Variants in ATAD2B observed in about 807,000 individuals in gnomAD.
ATAD2B encodes the protein ATPase family AAA domain-containing protein 2B.
A neutral mutation model predicts 167.6 loss-of-function variants in ATAD2B; 40 were observed. That is an observed-to-expected ratio of 0.24 (90% CI 0.19 to 0.31). The LOEUF is 0.31. ATAD2B is among the 10% of genes least tolerant of loss of function. The pLI, the probability that ATAD2B is intolerant of heterozygous loss-of-function variation, is 1.00. For missense variants in ATAD2B, 1,242 were observed against 1,757.2 expected, an observed-to-expected ratio of 0.71 and a Z score of 5.24; for synonymous variants, 579 against 596.5, an observed-to-expected ratio of 0.97 and a Z score of 0.43.
At chr2:23,885,884 AAGAG>A in intron 4 of ATAD2B, 55 bp from the exon 5 acceptor site, 1 of 1,023,800 alleles carries the variant, frequency 9.8e-7, no homozygotes, top group Non-Finnish European at 1.4e-6. Flanking sequence ...ATATACATAA[AAGAG>A]CTCTTTGTGA....
chr2:23,775,512 G>A (rs910383168), intron 22 of ATAD2B, among the ~76,000 whole-genome samples: 4 of 151,956 alleles, frequency 2.6e-5, no homozygotes, highest in African/African-American at 4.8e-5. Flanking sequence ...GTGCCCAGCC[G>A]GGTAGGTGAA....
chr2:23,875,717 G>A, intron 8 of ATAD2B, 112 bp downstream of exon 8: 2 of 738,118 alleles, frequency 2.7e-6, no homozygotes, highest in Non-Finnish European at 4.6e-6. Context: ...GAATCTGGAA[G>A]ATAATAGTAG....
chr2:23,728,711 T>C, the ATAD2B span, among the ~76,000 whole-genome samples: 1 of 152,190 alleles, frequency 6.6e-6, no homozygotes, highest in Admixed American at 6.5e-5. Flanking sequence ...GGGTGTTTTT[T>C]GTTTGTTTTG....
chr2:23,789,644 C>G (rs1185381516), intron 19 of ATAD2B, among the ~76,000 whole-genome samples: 3 of 152,130 alleles, frequency 2.0e-5, no homozygotes, highest in African/African-American at 7.2e-5. Flanking sequence ...ACATCATATT[C>G]CTGCCCAAAT....
chr2:23,881,238 CCA>C (rs1697841972), intron 6 of ATAD2B, among the ~76,000 whole-genome samples: 2 of 152,186 alleles, frequency 1.3e-5, no homozygotes, highest in East Asian at 3.9e-4. Flanking sequence ...GGCCTGTTGA[CCA>C]CAGTTAAGCA....
At chr2:23,842,002 T>A (rs1462111394) in intron 13 of ATAD2B, among the ~76,000 whole-genome samples, 2 of 152,206 alleles carry the variant, frequency 1.3e-5, no homozygotes, top group Non-Finnish European at 2.9e-5. Context: ...CCTTTTTGTA[T>A]CCTTACATGT....
At chr2:23,708,954 G>A in the ATAD2B span, among the ~76,000 whole-genome samples, 1 of 152,338 alleles carries the variant, frequency 6.6e-6, no homozygotes, top group Non-Finnish European at 1.5e-5. Flanking sequence ...GAGCCACATG[G>A]CAAGTCCAGC....
At chr2:23,837,710 TGTTTTTAATAGATAGCAATCTAGGGG>T (rs1690231482) in intron 13 of ATAD2B, among the ~76,000 whole-genome samples, 1 of 152,262 alleles carries the variant, frequency 6.6e-6, no homozygotes, top group Non-Finnish European at 1.5e-5. Context: ...TACAGTAGTT[TGTTTTTAATAGATAGCAATCTAGGGG>T]GTTTTTAAAT....
intron 17 of ATAD2B, among the ~76,000 whole-genome samples, chr2:23,818,689 A>G (rs1278834964): frequency 6.6e-6 from 1 of 152,230 alleles, no homozygotes; most frequent in Non-Finnish European, 1.5e-5. Context: ...AAAAGTACAC[A>G]CAATCCGGCC....
At chr2:23,767,238 T>A (rs1677572437) in intron 22 of ATAD2B, among the ~76,000 whole-genome samples, 3 of 152,146 alleles carry the variant, frequency 2.0e-5, no homozygotes. Context: ...TAACCATTTT[T>A]CCCGCCAAAA....
chr2:23,916,698 T>C (rs1703086081), intron 1 of ATAD2B, among the ~76,000 whole-genome samples: 1 of 152,180 alleles, frequency 6.6e-6, no homozygotes, highest in Non-Finnish European at 1.5e-5. Context: ...GTTAAAGACC[T>C]TAAAGGCCCA....
In ATAD2B at chr2:23,915,586, C is replaced by CTTTTTTTTT. The variant is rs869032768; in HGVS notation, c.216+10960_216+10968dup. Among the ~76,000 whole-genome samples, 15 of 65,248 alleles carry CTTTTTTTTT rather than the reference C, an allele frequency of 2.3e-4. 1 individual carries two copies. Among genetic ancestry groups the CTTTTTTTTT allele is most frequent in the South Asian group, 7.1e-4 (1 of 1,412 alleles). The allele number at this position is 65,248 out of a possible 152,430, so 42.8% of individuals were successfully genotyped here. A position where few individuals can be genotyped will look rare whatever the true frequency, so the allele number is the denominator to read the frequency against. On this transcript the variant is annotated intron_variant, in intron 1 of 27. Coordinates refer to ENST00000238789, the MANE Select transcript of ATAD2B (RefSeq NM_017552.4). ...AAACAACCATGTCTGACTACCGATT[C>CTTTTTTTTT]TTTTTTTTTTTTTTTTTTTTTTTTT... is the stretch of plus-strand genomic sequence containing the variant.
At chr2:23,776,787 T>C (rs778103399) in intron 22 of ATAD2B, among the ~76,000 whole-genome samples, 2 of 152,212 alleles carry the variant, frequency 1.3e-5, no homozygotes, top group Non-Finnish European at 2.9e-5. Flanking sequence ...GGTATCCCTT[T>C]ATCTTAATAA....
At chr2:23,903,009 C>A in intron 1 of ATAD2B, among the ~76,000 whole-genome samples, 1 of 152,032 alleles carries the variant, frequency 6.6e-6, no homozygotes, top group Non-Finnish European at 1.5e-5. Context: ...TTGAGGTGGG[C>A]AGATTGTTTG....
the ATAD2B span, among the ~76,000 whole-genome samples, chr2:23,686,903 A>G: frequency 8.6e-4 from 131 of 152,314 alleles, no homozygotes; most frequent in Non-Finnish European, 1.6e-3. Flanking sequence ...TTGCAGCCAC[A>G]GAGCACACAT....
At chr2:23,823,632 T>C in intron 15 of ATAD2B, 63 bp from the exon 16 acceptor site, 1 of 1,417,660 alleles carries the variant, frequency 7.1e-7, no homozygotes, top group Non-Finnish European at 9.7e-7. Flanking sequence ...CAACTATGTT[T>C]TGTAAATATA....
intron 8 of ATAD2B, among the ~76,000 whole-genome samples, chr2:23,875,035 G>C (rs1696614466): frequency 7.9e-6 from 1 of 127,060 alleles, no homozygotes; most frequent in African/African-American, 3.1e-5. Flanking sequence ...CAGCCTGGGT[G>C]ACAGAGCGAG....
intron 19 of ATAD2B, among the ~76,000 whole-genome samples, chr2:23,791,253 A>G (rs923855837): frequency 1.2e-4 from 19 of 152,214 alleles, no homozygotes; most frequent in African/African-American, 4.6e-4. Flanking sequence ...TTCCCATACA[A>G]ATGTCTTTCT....
chr2:23,726,661 T>C, the ATAD2B span, among the ~76,000 whole-genome samples: 1 of 152,106 alleles, frequency 6.6e-6, no homozygotes, highest in African/African-American at 2.4e-5. Flanking sequence ...AAATGAAATA[T>C]TATTCAACCT....
Sources: gnomAD v4.1 joint callset for allele counts (sites outside exome capture counted in the v4.1 genomes callset) on GRCh38, gnomAD v4.1.1 for gene constraint, MANE v1.5 for transcripts, NCBI Gene and HGNC (gene_info 2026-07-23, HGNC 2026-07-21) for gene names.